Variants in SPATA31E1 observed in about 807,000 individuals in gnomAD.
The protein encoded by SPATA31E1 is spermatogenesis-associated protein 31E1.
A neutral mutation model predicts 12.9 loss-of-function variants in SPATA31E1; 7 were observed. That is an observed-to-expected ratio of 0.54 (90% CI 0.31 to 1.02). SPATA31E1 has a LOEUF of 1.02. Ranked by LOEUF, SPATA31E1 falls within the 50% of genes least tolerant of loss-of-function variation. The pLI, the probability that SPATA31E1 is intolerant of heterozygous loss-of-function variation, is 0.05. For synonymous variants in SPATA31E1, 771 were observed against 719.0 expected (o/e 1.07, Z -1.16); for missense variants, 1,961 against 1,799.8 (o/e 1.09, Z -1.62).
rs368168443 is a variant in SPATA31E1 at position 87,884,582 on chromosome 9, G to C, written c.365-9G>C. 8.7e-6 allele frequency: 14 copies of C among 1,614,022 alleles called. No individual in the cohort carries two copies. The highest frequency in any genetic ancestry group is 3.3e-5 in the Admixed American group (2 of 60,004). On this transcript the variant is annotated splice_polypyrimidine_tract_variant and intron_variant, in intron 2 of 3. Coordinates refer to ENST00000325643, the MANE Select transcript of SPATA31E1 (RefSeq NM_178828.5). Reference sequence around the variant, plus strand: ...CCTCTCCACCATAACCCTGTCTCCTGATTTCCAGCTTGCAGAATCCTCCTG... The same window carrying C: ...CCTCTCCACCATAACCCTGTCTCCTCATTTCCAGCTTGCAGAATCCTCCTG...
In SPATA31E1 at chr9:87,888,506, C is replaced by CA; in HGVS notation, c.4020dup (p.Glu1341ArgfsTer8). The CA allele has an allele frequency of 6.2e-7, 1 of 1,614,172 alleles. No individual in the cohort carries two copies. On this transcript the variant is annotated frameshift_variant, in exon 4 of 4. Transcript: ENST00000325643. LOFTEE classifies it low-confidence loss of function (END_TRUNC). ...GGGCTTCAGTGGGGACGAGGTCCCT[C>CA]AGAGGTCAATCGCCACAAAGGTGAC...
chr9:87,882,946 G>T lies in SPATA31E1; in HGVS notation c.55G>T (p.Gly19Trp). 1 of 1,613,116 alleles carries T rather than the reference G, an allele frequency of 6.2e-7. No individual in the cohort carries two copies. The highest frequency in any genetic ancestry group is 8.5e-7 in the Non-Finnish European group (1 of 1,179,940). ...GGGCAGGGCAGGCAGGGTTGAGAGT[G>T]GGCAGAGGATTCCACCCCCAGCTCC... is the stretch of plus-strand genomic sequence containing the variant. ...GKGRAGRVES[G>W]QRIPPPAPRP... is the part of the protein sequence containing the mutation. Residue 19 changes from glycine to tryptophan, a missense_variant, in exon 1 of 4, where the codon GGG (glycine) becomes TGG (tryptophan). Transcript: ENST00000325643.
Position 87,887,654 on chromosome 9 carries a change from G to A in SPATA31E1, c.3167G>A (p.Ser1056Asn), listed in dbSNP as rs754128249. ...ACCTTGGGAGCCAGTGTGAGGGCAA[G>A]TTCGGGAAGTGTTCAGGAGGATCTG... ...EVTLGASVRA[S>N]SGSVQEDLRS... is the part of the protein sequence containing the mutation. The change falls in exon 4 of 4, where the codon AGT (serine) becomes AAT (asparagine). Residue 1056 changes from serine (S) to asparagine (N), a missense_variant. By Grantham distance (46) the Ser-to-Asn change is conservative. Coordinates refer to ENST00000325643, the MANE Select transcript of SPATA31E1 (RefSeq NM_178828.5). 16 of 1,614,192 alleles carry A rather than the reference G, an allele frequency of 9.9e-6. No homozygotes were observed. The East Asian group carries it at 2.5e-4, about 25-fold the overall frequency.
rs1361016898 is a variant in SPATA31E1, at chr9:87,886,180, G to A, written c.1693G>A (p.Glu565Lys). The A allele has an allele frequency of 1.2e-6, 2 of 1,609,962 alleles. No individual in the cohort carries two copies. Among genetic ancestry groups the A allele is most frequent in the Admixed American group, 1.7e-5 (1 of 59,840 alleles). The change falls in exon 4 of 4, where the codon GAG becomes AAG. Residue 565 changes from glutamate (E) to lysine (K), a missense_variant. Physicochemically the swap from Glu to Lys is moderately conservative, Grantham distance 56. Coordinates refer to ENST00000325643, the MANE Select transcript of SPATA31E1 (RefSeq NM_178828.5). ...RTQSVIPTGKEYLEWPLKKRP... is the reference protein window; with the variant it reads ...RTQSVIPTGKKYLEWPLKKRP... Reference sequence around the variant, plus strand: ...ACAGTCTGTCATCCCCACTGGAAAGGAGTATCTTGAATGGCCCTTGAAGAA... The same window carrying A: ...ACAGTCTGTCATCCCCACTGGAAAGAAGTATCTTGAATGGCCCTTGAAGAA...
chr9:87,887,727 A>G lies in SPATA31E1; in HGVS notation c.3240A>G (p.Ser1080=). The change falls in exon 4 of 4, where the codon TCA becomes TCG. Residue 1080 remains serine (S), a synonymous_variant. Coordinates refer to ENST00000325643, the MANE Select transcript of SPATA31E1 (RefSeq NM_178828.5). ...LGTTGNPSAS[S]VCVAQDPEQL... is the part of the protein sequence containing the mutation. ...CCACTGGTAACCCCTCAGCGTCTTC[A>G]GTCTGTGTTGCTCAGGATCCAGAGC... is the stretch of plus-strand genomic sequence containing the variant. 6.2e-7 allele frequency: 1 copy of G among 1,614,110 alleles called. No individual in the cohort carries two copies. Among genetic ancestry groups the G allele is most frequent in the Non-Finnish European group, 8.5e-7 (1 of 1,180,032 alleles).
Position 87,885,492 on chromosome 9 carries a change from C to T in SPATA31E1, c.1005C>T (p.Thr335=), listed in dbSNP as rs765509407. ...KSQPRHLPDH[T]SEASFWGDPT... is the part of the protein sequence containing the mutation. ...AGCCACGGCATCTTCCCGACCACACCTCAGAGGCTTCCTTCTGGGGAGACC... is the reference window on the plus strand; with the variant it reads ...AGCCACGGCATCTTCCCGACCACACTTCAGAGGCTTCCTTCTGGGGAGACC... Residue 335 remains threonine (T), a synonymous_variant, in exon 4 of 4, where the codon ACC becomes ACT. Transcript: ENST00000325643. 10 of 1,614,148 alleles carry T rather than the reference C, an allele frequency of 6.2e-6. No homozygotes were observed. The highest frequency in any genetic ancestry group is 8.5e-6 in the Non-Finnish European group (10 of 1,180,002).
chr9:87,888,377 T>A lies in SPATA31E1; in HGVS notation c.3890T>A (p.Phe1297Tyr). The stretch of plus-strand genomic sequence containing the variant: ...AAAGGCAAGCCTGGGGCAGATGCTT[T>A]CCAGAGCTGGGGGTCTGGCCCACCA... ...LQKGKPGADA[F>Y]QSWGSGPPRQ... The change falls in exon 4 of 4, where the codon TTC becomes TAC. Residue 1297 changes from phenylalanine (F) to tyrosine (Y), a missense_variant. Coordinates refer to ENST00000325643, the MANE Select transcript of SPATA31E1 (RefSeq NM_178828.5). 6.2e-7 allele frequency: 1 copy of A among 1,614,110 alleles called. No individual in the cohort carries two copies. Among genetic ancestry groups the A allele is most frequent in the Non-Finnish European group, 8.5e-7 (1 of 1,180,012 alleles).
rs764206964 is a variant in SPATA31E1, at chr9:87,888,545, A to G, written c.4058A>G (p.Glu1353Gly). The G allele has an allele frequency of 6.2e-7, 1 of 1,614,174 alleles. No individual in the cohort carries two copies. The highest frequency in any genetic ancestry group is 8.5e-7 in the Non-Finnish European group (1 of 1,180,030). ...NRHKGDFRAQ[E>G]NVPSCCHRGH... ...CACAAAGGTGACTTCCGCGCCCAGGAGAATGTGCCTTCCTGCTGCCACAGG... is the reference window on the plus strand; with the variant it reads ...CACAAAGGTGACTTCCGCGCCCAGGGGAATGTGCCTTCCTGCTGCCACAGG... The change falls in exon 4 of 4, where the codon GAG becomes GGG. Residue 1353 changes from glutamate (E) to glycine (G), a missense_variant. By Grantham distance (98) the Glu-to-Gly change is moderately conservative. Transcript: ENST00000325643.
rs754253712 is a variant in SPATA31E1, at chr9:87,885,432, C to A, written c.945C>A (p.Thr315=). ...ATTGCTGGAGGGAGGCTGCCACCAC[C>A]TGGGGCCTCTCCACCTACTCACATG... is the stretch of plus-strand genomic sequence containing the variant. ...DLYCWREAAT[T]WGLSTYSHGK... is the part of the protein sequence containing the mutation. Residue 315 remains threonine, a synonymous_variant, in exon 4 of 4, where the codon ACC becomes ACA. Transcript: ENST00000325643. The A allele has an allele frequency of 1.2e-6, 2 of 1,614,012 alleles. No individual in the cohort carries two copies. The highest frequency in any genetic ancestry group is 2.7e-5 in the African/African-American group (2 of 75,040).
Position 87,888,897 on chromosome 9 carries a change from C to G in SPATA31E1, c.*72C>G, listed in dbSNP as rs1384247495. 1.1e-5 allele frequency: 16 copies of G among 1,416,640 alleles called. No homozygotes were observed. Among genetic ancestry groups the G allele is most frequent in the Non-Finnish European group, 1.5e-5 (16 of 1,070,006 alleles). The allele number at this position is 1,416,640 out of a possible 1,614,324, so 87.8% of individuals were successfully genotyped here. A position where few individuals can be genotyped will look rare whatever the true frequency, so the allele number is the denominator to read the frequency against. On this transcript the variant is annotated 3_prime_UTR_variant, in exon 4 of 4. Coordinates refer to ENST00000325643, the MANE Select transcript of SPATA31E1 (RefSeq NM_178828.5). ...TACTCAAATAAAACTGATGCCTACA[C>G]AATAAACCTGTCCTGCGTGGGTGAT...
intron 2 of SPATA31E1, among the ~76,000 whole-genome samples, chr9:87,884,268 G>A (rs1165162203): frequency 6.6e-6 from 1 of 152,220 alleles, no homozygotes; most frequent in African/African-American, 2.4e-5. Context: ...GATATGGGGG[G>A]AGGTCAGGGA....
Position 87,885,306 on chromosome 9 carries a change from C to T in SPATA31E1, c.819C>T (p.Cys273=). The change falls in exon 4 of 4, where the codon TGC becomes TGT. Residue 273 remains cysteine (C), a synonymous_variant. Transcript: ENST00000325643. ...GACTTCAGTGTGGCTCCACAACATG[C>T]CCCGTCCCCCAGAGCTCCCCTCTAC... ...LAGLQCGSTT[C]PVPQSSPLHN... is the part of the protein sequence containing the mutation. 1 of 1,614,004 alleles carries T rather than the reference C, an allele frequency of 6.2e-7. No individual in the cohort carries two copies. The highest frequency in any genetic ancestry group is 8.5e-7 in the Non-Finnish European group (1 of 1,179,936).
chr9:87,884,006 A>G lies in SPATA31E1; in HGVS notation c.324A>G (p.Arg108=), dbSNP rs774212123. ...KRSSREPQRE[R]SGRSRSRKIS... ...TTGCCTCTCAGCCTCAAAGGGAGAG[A>G]AGCGGGAGGTCCAGGAGCAGGAAGA... Residue 108 remains arginine (R), a synonymous_variant, in exon 2 of 4, where the codon AGA becomes AGG. Transcript: ENST00000325643. 1.9e-6 allele frequency: 3 copies of G among 1,607,462 alleles called. No individual in the cohort carries two copies. The highest frequency in any genetic ancestry group is 2.5e-6 in the Non-Finnish European group (3 of 1,176,590).
chr9:87,888,323 G>C lies in SPATA31E1; in HGVS notation c.3836G>C (p.Gly1279Ala), dbSNP rs773524508. The change falls in exon 4 of 4, where the codon GGA becomes GCA. Residue 1279 changes from glycine to alanine, a missense_variant. By Grantham distance (60) the Gly-to-Ala change is moderately conservative. Coordinates refer to ENST00000325643, the MANE Select transcript of SPATA31E1 (RefSeq NM_178828.5). ...HHPQGLHPRK[G>A]GTRWEDVLQK... ...CCACAGGGTCTACACCCCAGGAAAG[G>C]AGGCACACGGTGGGAAGATGTCCTG... 6.2e-7 allele frequency: 1 copy of C among 1,614,194 alleles called. No individual in the cohort carries two copies. Among genetic ancestry groups the C allele is most frequent in the Non-Finnish European group, 8.5e-7 (1 of 1,180,036 alleles).
In SPATA31E1 at chr9:87,885,231, G is replaced by T. The variant is rs370494405; in HGVS notation, c.744G>T (p.Pro248=). ...PHVVFPPSPQ[P]HGPLASSPPP... ...TGGTTTTTCCTCCTTCACCACAGCCGCATGGTCCCCTGGCCTCCTCTCCAC... is the reference window on the plus strand; with the variant it reads ...TGGTTTTTCCTCCTTCACCACAGCCTCATGGTCCCCTGGCCTCCTCTCCAC... The change falls in exon 4 of 4, where the codon CCG becomes CCT. Residue 248 remains proline, a synonymous_variant. Coordinates refer to ENST00000325643, the MANE Select transcript of SPATA31E1 (RefSeq NM_178828.5). 1 of 1,613,996 alleles carries T rather than the reference G, an allele frequency of 6.2e-7. No homozygotes were observed. The highest frequency in any genetic ancestry group is 8.5e-7 in the Non-Finnish European group (1 of 1,179,992).
At position 87,885,035 on chromosome 9, in the gene SPATA31E1, A is replaced by G; in HGVS notation, c.548A>G (p.Asp183Gly). 6.2e-7 allele frequency: 1 copy of G among 1,613,918 alleles called. No individual in the cohort carries two copies. Among genetic ancestry groups the G allele is most frequent in the Non-Finnish European group, 8.5e-7 (1 of 1,179,966 alleles). The change falls in exon 4 of 4, where the codon GAT becomes GGT. Residue 183 changes from aspartate to glycine, a missense_variant. Coordinates refer to ENST00000325643, the MANE Select transcript of SPATA31E1 (RefSeq NM_178828.5). ...AHQPHGKCMQ[D>G]PSPASLSPPA... ...CAGCCGCATGGGAAATGCATGCAAG[A>G]TCCGTCTCCTGCCAGCTTGTCCCCA...
In SPATA31E1 at chr9:87,888,263, C is replaced by G. The variant is rs1390958779; in HGVS notation, c.3776C>G (p.Pro1259Arg). ...QLQLEKGQTP[P>R]ESHFQRKISH... is the part of the protein sequence containing the mutation. ...CAGCTGGAGAAGGGACAGACACCAC[C>G]AGAAAGCCACTTCCAGAGAAAGATC... The change falls in exon 4 of 4, where the codon CCA (proline) becomes CGA (arginine). Residue 1259 changes from proline (P) to arginine (R), a missense_variant. Physicochemically the swap from Pro to Arg is moderately radical, Grantham distance 103 (BLOSUM62 -2). Transcript: ENST00000325643. The G allele has an allele frequency of 1.2e-6, 2 of 1,614,014 alleles. No individual in the cohort carries two copies. Among genetic ancestry groups the G allele is most frequent in the Non-Finnish European group, 1.7e-6 (2 of 1,180,038 alleles).
rs1266774049 is a variant in SPATA31E1, at chr9:87,885,524, C to G, written c.1037C>G (p.Pro346Arg). Residue 346 changes from proline (P) to arginine (R), a missense_variant, in exon 4 of 4, where the codon CCC (proline) becomes CGC (arginine). Transcript: ENST00000325643. Reference sequence around the variant, plus strand: ...GCTTCCTTCTGGGGAGACCCCACACCCAAGCACATGGAGGTAGGTGGCTGC... The same window carrying G: ...GCTTCCTTCTGGGGAGACCCCACACGCAAGCACATGGAGGTAGGTGGCTGC... Reference protein sequence around the residue: ...SEASFWGDPTPKHMEVGGCTF... With the variant: ...SEASFWGDPTRKHMEVGGCTF... 1 of 1,614,038 alleles carries G rather than the reference C, an allele frequency of 6.2e-7. No individual in the cohort carries two copies. The highest frequency in any genetic ancestry group is 1.3e-5 in the African/African-American group (1 of 74,936).
chr9:87,888,285 G>C lies in SPATA31E1; in HGVS notation c.3798G>C (p.Lys1266Asn). 6.2e-7 allele frequency: 1 copy of C among 1,614,144 alleles called. No homozygotes were observed. The highest frequency in any genetic ancestry group is 8.5e-7 in the Non-Finnish European group (1 of 1,180,038). ...CACCAGAAAGCCACTTCCAGAGAAA[G>C]ATCAGTCACCATCCACAGGGTCTAC... ...QTPPESHFQR[K>N]ISHHPQGLHP... Residue 1266 changes from lysine (K) to asparagine (N), a missense_variant, in exon 4 of 4, where the codon AAG becomes AAC. Lys to Asn is a moderately conservative substitution (Grantham distance 94). Coordinates refer to ENST00000325643, the MANE Select transcript of SPATA31E1 (RefSeq NM_178828.5).
Sources: gnomAD v4.1 joint callset for allele counts (sites outside exome capture counted in the v4.1 genomes callset) on GRCh38, gnomAD v4.1.1 for gene constraint, MANE v1.5 for transcripts, NCBI Gene and HGNC (gene_info 2026-07-23, HGNC 2026-07-21) for gene names.